Variants in SH3BP5 observed in about 807,000 individuals in gnomAD.
The protein encoded by SH3BP5 is SH3 domain-binding protein 5.
SH3BP5 carries 22 observed loss-of-function variants against 43.3 expected under a neutral mutation model. The observed-to-expected ratio is 0.51, with a 90% CI of 0.36 to 0.73. SH3BP5 has a LOEUF of 0.73. Ranked by LOEUF, SH3BP5 falls within the 30% of genes least tolerant of loss-of-function variation. SH3BP5 has a pLI of 0.00. For missense variants in SH3BP5, 529 were observed against 586.9 expected, an observed-to-expected ratio of 0.90 and a Z score of 1.02; for synonymous variants, 255 against 225.8, an observed-to-expected ratio of 1.13 and a Z score of -1.16.
chr3:15,292,815 C>A (rs998188399), intron 3 of SH3BP5, among the ~76,000 whole-genome samples: 1 of 152,082 alleles, frequency 6.6e-6, no homozygotes, highest in Non-Finnish European at 1.5e-5. Flanking sequence ...ACCATTGCAC[C>A]CCAGCCTGGG....
chr3:15,282,590 A>G (rs826430), intron 3 of SH3BP5, among the ~76,000 whole-genome samples: 105,555 of 151,248 alleles, frequency 0.7, 37,591 homozygotes, highest in Middle Eastern at 0.79. Flanking sequence ...AAAAATAACC[A>G]CGGTTTCTAG....
At chr3:15,269,391 A>C (rs547301312) in intron 4 of SH3BP5, among the ~76,000 whole-genome samples, 1 of 152,294 alleles carries the variant, frequency 6.6e-6, no homozygotes, top group East Asian at 1.9e-4. Flanking sequence ...CTGGGGTTCC[A>C]TGGGAGCAAA....
At chr3:15,336,636 C>T (rs945561498), upstream of SH3BP5, among the ~76,000 whole-genome samples, 5 of 152,142 alleles carry the variant, frequency 3.3e-5, no homozygotes, top group African/African-American at 9.7e-5. Context: ...CAGTTGGTGA[C>T]TGAGTTGACC....
At chr3:15,294,288 TAA>T (rs1472743534) in intron 3 of SH3BP5, among the ~76,000 whole-genome samples, 305 of 128,266 alleles carry the variant, frequency 2.4e-3, no homozygotes, top group African/African-American at 9.0e-3. Context: ...TCTGCAAAAG[TAA>T]GTGTGTGTGT....
chr3:15,331,996 C>T, intron 1 of SH3BP5: 2 of 429,256 alleles, frequency 4.7e-6, no homozygotes, highest in Non-Finnish European at 4.2e-6. Flanking sequence ...TGCACATCCA[C>T]CCGAACCACC....
At chr3:15,288,696 C>T (rs142618695) in intron 3 of SH3BP5, among the ~76,000 whole-genome samples, 56 of 152,286 alleles carry the variant, frequency 3.7e-4, no homozygotes, top group Middle Eastern at 3.4e-3. Flanking sequence ...GCCGGGATTG[C>T]ACCACTGCAC....
At chr3:15,267,971 G>T (rs1696689775) in intron 4 of SH3BP5, among the ~76,000 whole-genome samples, 1 of 152,228 alleles carries the variant, frequency 6.6e-6, no homozygotes, top group East Asian at 1.9e-4. Context: ...TTTCTTGGAA[G>T]AAGCTACCTT....
chr3:15,266,898 G>A (rs1344658352), intron 4 of SH3BP5, among the ~76,000 whole-genome samples: 4 of 152,258 alleles, frequency 2.6e-5, no homozygotes, highest in Admixed American at 2.0e-4. Flanking sequence ...TCTTGGGCAC[G>A]TTACGTGGGA....
intron 2 of SH3BP5, among the ~76,000 whole-genome samples, chr3:15,324,652 A>G (rs1698415083): frequency 6.6e-6 from 1 of 152,206 alleles, no homozygotes. Context: ...TGAGTCTTAC[A>G]GGACCTAGTC....
intron 2 of SH3BP5, among the ~76,000 whole-genome samples, chr3:15,306,533 A>T (rs1575333202): frequency 6.6e-6 from 1 of 152,086 alleles, no homozygotes; most frequent in Admixed American, 6.5e-5. Context: ...AAAAGAAAAG[A>T]AAAGAAAGGG....
intron 3 of SH3BP5, among the ~76,000 whole-genome samples, chr3:15,292,373 A>G (rs1438427667): frequency 6.6e-6 from 1 of 152,150 alleles, no homozygotes; most frequent in Non-Finnish European, 1.5e-5. Context: ...TGAATAGCAA[A>G]GGAGATAAGA....
chr3:15,314,481 A>C (rs530524389), intron 2 of SH3BP5, among the ~76,000 whole-genome samples: 1 of 152,176 alleles, frequency 6.6e-6, no homozygotes, highest in Non-Finnish European at 1.5e-5. Flanking sequence ...GCAGAGATAG[A>C]AGCACAAAGA....
At chr3:15,294,790 C>G (rs980271162) in intron 3 of SH3BP5, among the ~76,000 whole-genome samples, 2 of 152,152 alleles carry the variant, frequency 1.3e-5, no homozygotes, top group Admixed American at 1.3e-4. Context: ...AACTCAAGAG[C>G]CTACCATGGC....
At chr3:15,330,449 T>C in intron 2 of SH3BP5, 55 bp downstream of exon 2, 2 of 1,441,304 alleles carry the variant, frequency 1.4e-6, no homozygotes, top group Non-Finnish European at 2.0e-6. Context: ...TAACCAGCCT[T>C]GTGCCGGTGT....
chr3:15,258,037 G>T (rs555240958), intron 7 of SH3BP5: 7 of 152,338 alleles, frequency 4.6e-5, no homozygotes, highest in African/African-American at 1.4e-4. Context: ...TTGAGATGAT[G>T]TATATATTAA....
chr3:15,301,901 C>T (rs143582575), intron 3 of SH3BP5, among the ~76,000 whole-genome samples: 1,777 of 152,132 alleles, frequency 0.012, 21 homozygotes, highest in Non-Finnish European at 0.02. Context: ...AAGCCACTGC[C>T]GCGACTCCAG....
chr3:15,331,947 G>A (rs1473830925), intron 1 of SH3BP5: 1 of 267,162 alleles, frequency 3.7e-6, no homozygotes, highest in Non-Finnish European at 7.2e-6. Context: ...GGGTACCCCC[G>A]AGGATACCAT....
intron 3 of SH3BP5, among the ~76,000 whole-genome samples, chr3:15,300,267 C>T (rs1053150896): frequency 1.3e-5 from 2 of 152,148 alleles, no homozygotes; most frequent in Non-Finnish European, 2.9e-5. Flanking sequence ...AACCCAAGCT[C>T]ATGCTGGGAT....
intron 3 of SH3BP5, among the ~76,000 whole-genome samples, chr3:15,278,826 G>A (rs60785976): frequency 0.13 from 19,049 of 152,126 alleles, 1,378 homozygotes; most frequent in East Asian, 0.28. Flanking sequence ...CTTGTGGCAC[G>A]GAGTTTTTCA....
Sources: gnomAD v4.1 joint callset for allele counts (sites outside exome capture counted in the v4.1 genomes callset) on GRCh38, gnomAD v4.1.1 for gene constraint, MANE v1.5 for transcripts, NCBI Gene and HGNC (gene_info 2026-07-23, HGNC 2026-07-21) for gene names.